The following TRAPPC9 variants were observed in gnomAD, a reference collection of about 807,000 sequenced individuals.
TRAPPC9 encodes trafficking protein particle complex subunit 9.
TRAPPC9 carries 83 observed loss-of-function variants against 124.0 expected under a neutral mutation model. The observed-to-expected ratio is 0.67, with a 90% CI of 0.56 to 0.80. The LOEUF is 0.80. Ranked by LOEUF, TRAPPC9 falls within the 30% of genes least tolerant of loss-of-function variation. The pLI, the probability that TRAPPC9 is intolerant of heterozygous loss-of-function variation, is 0.00. For synonymous variants in TRAPPC9, 638 were observed against 617.5 expected (o/e 1.03, Z -0.49); for missense variants, 1,302 against 1,508.3 (o/e 0.86, Z 2.27).
At chr8:140,023,450 G>A (rs1283805519) in intron 18 of TRAPPC9, among the ~76,000 whole-genome samples, 2 of 152,252 alleles carry the variant, frequency 1.3e-5, no homozygotes, top group African/African-American at 2.4e-5. Context: ...CTTTGTATGC[G>A]AAGGGCCTCC....
intron 17 of TRAPPC9, among the ~76,000 whole-genome samples, chr8:140,059,626 A>G (rs1197734562): frequency 6.6e-6 from 1 of 152,200 alleles, no homozygotes; most frequent in African/African-American, 2.4e-5. Context: ...ATGTGTGTGT[A>G]GGAGTGTCTA....
intron 17 of TRAPPC9, among the ~76,000 whole-genome samples, chr8:140,157,326 AAAGCCTCCCTTTTCCATTCAG>A (rs1244757818): frequency 0.13 from 4,045 of 32,304 alleles, 525 homozygotes; most frequent in South Asian, 0.14. Context: ...TTTCCATTCA[AAAGCCTCCCTTTTCCATTCAG>A]AAGCCTCCCT....
chr8:140,428,498 G>A (rs1235847391), intron 4 of TRAPPC9, among the ~76,000 whole-genome samples: 1 of 152,094 alleles, frequency 6.6e-6, no homozygotes, highest in African/African-American at 2.4e-5. Flanking sequence ...TGGTTTCTAG[G>A]CCCTTTCCTA....
At chr8:140,300,419 T>C (rs375678434) in intron 11 of TRAPPC9, 50 bp downstream of exon 11, 78 of 1,613,016 alleles carry the variant, frequency 4.8e-5, no homozygotes, top group Non-Finnish European at 6.1e-5. Flanking sequence ...GAAAAGCCAT[T>C]GGAAATCAGG....
At chr8:140,218,294 G>A (rs2063250056) in intron 17 of TRAPPC9, among the ~76,000 whole-genome samples, 1 of 152,146 alleles carries the variant, frequency 6.6e-6, no homozygotes, top group Non-Finnish European at 1.5e-5. Flanking sequence ...AAATAGGTCT[G>A]AGGGGTGGGA....
chr8:140,285,395 C>T (rs928276098), intron 13 of TRAPPC9, among the ~76,000 whole-genome samples: 5 of 152,220 alleles, frequency 3.3e-5, no homozygotes, highest in Admixed American at 1.3e-4. Context: ...TTGATCACTG[C>T]TGTCCCTGCC....
At chr8:139,784,635 AT>A (rs1822089007) in intron 21 of TRAPPC9, among the ~76,000 whole-genome samples, 4 of 143,778 alleles carry the variant, frequency 2.8e-5, no homozygotes, top group Admixed American at 6.9e-5. Flanking sequence ...ATATATATAT[AT>A]ATATATATAA....
rs573683781 is a variant in TRAPPC9, at chr8:139,827,323, T to C, written c.3055+58556A>G. 2.5e-4 allele frequency among the ~76,000 whole-genome samples: 38 copies of C among 152,260 alleles called. No homozygotes were observed. In the South Asian group the frequency reaches 7.7e-3, roughly 31 times the overall value. ...TGTGTCTGGCACATGCTAGACGTCA[T>C]TGCTAGTGGCCCTGCATGCAGGACA... On this transcript the variant is annotated intron_variant, in intron 21 of 22. Transcript: ENST00000438773.
intron 21 of TRAPPC9, among the ~76,000 whole-genome samples, chr8:139,868,462 A>G (rs1828689157): frequency 1.3e-5 from 2 of 152,206 alleles, no homozygotes; most frequent in South Asian, 4.1e-4. Flanking sequence ...CTTTCCTCTT[A>G]AAGGAGCGTG....
At chr8:140,115,902 C>T (rs911360200) in intron 17 of TRAPPC9, among the ~76,000 whole-genome samples, 8 of 152,136 alleles carry the variant, frequency 5.3e-5, no homozygotes, top group South Asian at 2.1e-4. Flanking sequence ...TGACAGTGCT[C>T]GTGAACACCT....
intron 21 of TRAPPC9, among the ~76,000 whole-genome samples, chr8:139,871,996 G>T (rs919341342): frequency 2.4e-4 from 36 of 152,038 alleles, no homozygotes; most frequent in African/African-American, 8.7e-4. Context: ...GGATAAATGA[G>T]TGGGCTGGTA....
intron 17 of TRAPPC9, among the ~76,000 whole-genome samples, chr8:140,106,790 T>C (rs957349501): frequency 2.0e-5 from 3 of 152,170 alleles, no homozygotes; most frequent in African/African-American, 7.2e-5. Flanking sequence ...ATAGCCTATA[T>C]AAAGGGCTTG....
chr8:139,873,517 C>T (rs1313387189), intron 21 of TRAPPC9, among the ~76,000 whole-genome samples: 1 of 152,162 alleles, frequency 6.6e-6, no homozygotes, highest in Non-Finnish European at 1.5e-5. Context: ...CAGTGCCATG[C>T]CCTGCTCAGG....
At position 140,311,275 on chromosome 8, in the gene TRAPPC9, A is replaced by C. The variant is rs1470386901; in HGVS notation, c.1595T>G (p.Val532Gly). The change falls in exon 10 of 23, where the codon GTG becomes GGG. Residue 532 changes from valine to glycine, a missense_variant. This residue lies in a region of TRAPPC9 where 657 missense variants were observed against 811.2 expected (regional missense o/e 0.81). Coordinates refer to ENST00000438773, the MANE Select transcript of TRAPPC9 (RefSeq NM_001160372.4). ...GACGATGGGAAGCTTGGTGAAGGGC[A>C]CCGGTGGCAGGGTGAGGCCGCCAGG... ...ALPGGLTLPP[V>G]PFTKLPIVRH... 1.2e-6 allele frequency: 2 copies of C among 1,612,766 alleles called. No homozygotes were observed. Among genetic ancestry groups the C allele is most frequent in the Non-Finnish European group, 1.7e-6 (2 of 1,180,002 alleles).
chr8:140,058,444 C>G (rs1452747002), intron 17 of TRAPPC9, among the ~76,000 whole-genome samples: 4 of 152,196 alleles, frequency 2.6e-5, no homozygotes. Context: ...ACTATTCATT[C>G]ATTCATTCAC....
intron 17 of TRAPPC9, among the ~76,000 whole-genome samples, chr8:140,083,823 C>T (rs559246585): frequency 1.3e-5 from 2 of 152,144 alleles, no homozygotes; most frequent in South Asian, 4.2e-4. Context: ...CGGGCCACCA[C>T]ATCCAGCTAA....
intron 21 of TRAPPC9, among the ~76,000 whole-genome samples, chr8:139,860,144 A>AAACAGTTGAAT (rs1336444307): frequency 6.6e-6 from 1 of 152,194 alleles, no homozygotes; most frequent in Non-Finnish European, 1.5e-5. Flanking sequence ...TGGAGTGAAT[A>AAACAGTTGAAT]AACAGTTGAA....
At chr8:140,386,396 T>C (rs1326353991) in intron 7 of TRAPPC9, among the ~76,000 whole-genome samples, 1 of 152,232 alleles carries the variant, frequency 6.6e-6, no homozygotes, top group African/African-American at 2.4e-5. Flanking sequence ...GCAGATGACA[T>C]GATTGTGTAT....
chr8:139,838,599 CAG>C (rs1220453584), intron 21 of TRAPPC9, among the ~76,000 whole-genome samples: 2 of 152,158 alleles, frequency 1.3e-5, no homozygotes, highest in South Asian at 2.1e-4. Context: ...TCCTTGGCCG[CAG>C]AGTTAGTCCA....
Sources: gnomAD v4.1 joint callset for allele counts (sites outside exome capture counted in the v4.1 genomes callset) on GRCh38, gnomAD v4.1.1 for gene constraint, gnomAD v4.1.1 regional missense constraint, MANE v1.5 for transcripts, NCBI Gene and HGNC (gene_info 2026-07-23, HGNC 2026-07-21) for gene names.